Variants in EXT1 observed in about 807,000 individuals in gnomAD.
EXT1 encodes the protein exostosin-1.
EXT1 carries 20 observed loss-of-function variants against 82.5 expected under a neutral mutation model. The observed-to-expected ratio is 0.24, with a 90% CI of 0.17 to 0.35. EXT1 has a LOEUF of 0.35. EXT1 is among the 10% of genes least tolerant of loss of function. EXT1 has a pLI of 1.00. For synonymous variants in EXT1, 348 were observed against 350.8 expected (o/e 0.99, Z 0.09); for missense variants, 757 against 936.5 (o/e 0.81, Z 2.50).
rs115254248 is a variant in EXT1, at chr8:117,984,236, T to C, written c.962+125849A>G. Among the ~76,000 whole-genome samples, 1,190 of 152,116 alleles carry C rather than the reference T, an allele frequency of 7.8e-3. 15 individuals carry two copies. The highest frequency in any genetic ancestry group is 0.027 in the African/African-American group (1,137 of 41,452). On this transcript the variant is annotated intron_variant, in intron 1 of 10. Transcript: ENST00000378204. The stretch of plus-strand genomic sequence containing the variant: ...AAGCTCCAGACCAGCCTGGCGAATA[T>C]GGCAAAACCCTGTCTTTACTAAAAA...
intron 1 of EXT1, among the ~76,000 whole-genome samples, chr8:118,103,261 C>G (rs1817754861): frequency 6.6e-6 from 1 of 152,174 alleles, no homozygotes; most frequent in Non-Finnish European, 1.5e-5. Flanking sequence ...ATCCTCCCAC[C>G]TCAGTCTCCC....
intron 1 of EXT1, among the ~76,000 whole-genome samples, chr8:117,984,892 C>T (rs10955845): frequency 0.27 from 40,447 of 151,846 alleles, 5,585 homozygotes; most frequent in Middle Eastern, 0.36. Context: ...ATCAACAACC[C>T]GAAAAGCTTG....
intron 1 of EXT1, among the ~76,000 whole-genome samples, chr8:118,039,636 G>A (rs919593570): frequency 6.6e-6 from 1 of 150,622 alleles, no homozygotes. Flanking sequence ...CAACATGCCA[G>A]AAGAGTGAAA....
chr8:117,960,479 C>T (rs1259558309), intron 1 of EXT1, among the ~76,000 whole-genome samples: 2 of 152,178 alleles, frequency 1.3e-5, no homozygotes, highest in Non-Finnish European at 2.9e-5. Flanking sequence ...TTCACCACCA[C>T]CATCACCCTG....
At chr8:117,943,259 A>G (rs1278459099) in intron 1 of EXT1, among the ~76,000 whole-genome samples, 1 of 152,182 alleles carries the variant, frequency 6.6e-6, no homozygotes, top group Non-Finnish European at 1.5e-5. Context: ...ACTACTACAA[A>G]CTGCTAGTAA....
chr8:118,045,712 C>T (rs1816612060), intron 1 of EXT1, among the ~76,000 whole-genome samples: 2 of 151,998 alleles, frequency 1.3e-5, no homozygotes, highest in South Asian at 4.2e-4. Flanking sequence ...TGAGTCCTCA[C>T]ACCAAATGCC....
At chr8:118,087,988 T>C (rs1027513389) in intron 1 of EXT1, among the ~76,000 whole-genome samples, 5 of 148,568 alleles carry the variant, frequency 3.4e-5, no homozygotes, top group Non-Finnish European at 7.4e-5. Context: ...TGAAGAGAAC[T>C]GCTTTTAATT....
intron 4 of EXT1, among the ~76,000 whole-genome samples, chr8:117,826,823 A>G (rs1812015287): frequency 6.6e-6 from 1 of 152,194 alleles, no homozygotes; most frequent in Non-Finnish European, 1.5e-5. Context: ...AAATAATAAT[A>G]ATACATGGTT....
At chr8:117,970,824 A>T (rs1239055303) in intron 1 of EXT1, among the ~76,000 whole-genome samples, 1 of 152,188 alleles carries the variant, frequency 6.6e-6, no homozygotes, top group East Asian at 1.9e-4. Context: ...GTATCCATGG[A>T]GTGCAGCAGT....
chr8:117,935,750 A>G (rs1029142923), intron 1 of EXT1, among the ~76,000 whole-genome samples: 1 of 152,146 alleles, frequency 6.6e-6, no homozygotes, highest in Non-Finnish European at 1.5e-5. Flanking sequence ...CTGTAAAATT[A>G]TTATTTTTAT....
chr8:117,812,855 C>T lies in EXT1; in HGVS notation c.1722+17G>A, dbSNP rs1428693618. On this transcript the variant is annotated intron_variant, in intron 8 of 10. Coordinates refer to ENST00000378204, the MANE Select transcript of EXT1 (RefSeq NM_000127.3). ...CCTGAACAGCCCACCTGCTGCTCCT[C>T]AGGCATGGGTTCTTACCTCTGTTGT... 1 of 1,612,356 alleles carries T rather than the reference C, an allele frequency of 6.2e-7. No individual in the cohort carries two copies. Among genetic ancestry groups the T allele is most frequent in the South Asian group, 1.1e-5 (1 of 90,884 alleles).
chr8:117,915,372 C>T (rs1221981700), intron 1 of EXT1, among the ~76,000 whole-genome samples: 2 of 128,170 alleles, frequency 1.6e-5, no homozygotes, highest in Non-Finnish European at 3.6e-5. Flanking sequence ...TATATATATA[C>T]CTGAATAGGC....
At chr8:117,847,311 C>T (rs1448840012) in intron 1 of EXT1, among the ~76,000 whole-genome samples, 2 of 152,320 alleles carry the variant, frequency 1.3e-5, no homozygotes, top group East Asian at 1.9e-4. Context: ...CCTATGCTTA[C>T]ACCAAGCCCA....
intron 1 of EXT1, among the ~76,000 whole-genome samples, chr8:117,965,993 T>TACACACAC (rs35638588): frequency 0.013 from 1,997 of 150,586 alleles, 41 homozygotes; most frequent in African/African-American, 0.044. Context: ...TACATGCATA[T>TACACACAC]ACACACACAC....
chr8:118,058,741 A>G (rs1816834489), intron 1 of EXT1, among the ~76,000 whole-genome samples: 1 of 152,234 alleles, frequency 6.6e-6, no homozygotes, highest in South Asian at 2.1e-4. Context: ...TATAATATAA[A>G]CATATGGATG....
chr8:118,047,564 C>A (rs1473915554), intron 1 of EXT1, among the ~76,000 whole-genome samples: 1 of 152,058 alleles, frequency 6.6e-6, no homozygotes, highest in Non-Finnish European at 1.5e-5. Flanking sequence ...TAAAAAGTAC[C>A]TAATAAATGG....
chr8:117,919,746 C>T (rs918835557), intron 1 of EXT1, among the ~76,000 whole-genome samples: 9 of 152,130 alleles, frequency 5.9e-5, no homozygotes, highest in African/African-American at 2.2e-4. Flanking sequence ...TCAAGTGATC[C>T]TTCCACTTCA....
intron 2 of EXT1, 109 bp downstream of exon 2, chr8:117,836,999 G>A (rs943371740): frequency 2.5e-6 from 2 of 805,020 alleles, no homozygotes; most frequent in South Asian, 2.8e-5. Context: ...GATCCTCAAG[G>A]GAAACCACAC....
At chr8:118,014,687 G>A (rs532466364) in intron 1 of EXT1, among the ~76,000 whole-genome samples, 11 of 152,030 alleles carry the variant, frequency 7.2e-5, no homozygotes, top group East Asian at 1.9e-4. Context: ...TGATCCCCTC[G>A]CCTCAGCCCC....
Sources: gnomAD v4.1 joint callset for allele counts (sites outside exome capture counted in the v4.1 genomes callset) on GRCh38, gnomAD v4.1.1 for gene constraint, MANE v1.5 for transcripts, NCBI Gene and HGNC (gene_info 2026-07-23, HGNC 2026-07-21) for gene names.